The following SDK2 variants were observed in gnomAD, a reference collection of about 807,000 sequenced individuals.
The protein encoded by SDK2 is protein sidekick-2.
Under a neutral mutation model 253.9 loss-of-function variants are expected in SDK2, and 105 were observed. That is an observed-to-expected ratio of 0.41 (90% CI 0.35 to 0.49). The LOEUF is 0.49. Ranked by LOEUF, SDK2 falls within the 20% of genes least tolerant of loss-of-function variation. The pLI, the probability that SDK2 is intolerant of heterozygous loss-of-function variation, is 0.06. For missense variants in SDK2, 2,608 were observed against 3,003.0 expected (o/e 0.87, Z 3.07); for synonymous variants, 1,249 against 1,234.9 (o/e 1.01, Z -0.24).
chr17:73,344,429 G>C (rs906979293), intron 44 of SDK2, among the ~76,000 whole-genome samples: 2 of 152,152 alleles, frequency 1.3e-5, no homozygotes, highest in South Asian at 2.1e-4. Flanking sequence ...AGCTGCACGA[G>C]GCCAGGCTGC....
At chr17:73,374,091 T>C (rs1323259176) in intron 36 of SDK2, among the ~76,000 whole-genome samples, 1 of 145,454 alleles carries the variant, frequency 6.9e-6, no homozygotes, top group Non-Finnish European at 1.5e-5. Flanking sequence ...TCCCTCCTTC[T>C]GGAAGCATGT....
intron 10 of SDK2, among the ~76,000 whole-genome samples, chr17:73,432,968 T>G (rs2063339589): frequency 6.6e-6 from 1 of 152,120 alleles, no homozygotes; most frequent in Admixed American, 6.5e-5. Flanking sequence ...GGGAGGTGGC[T>G]TGGGCTTTGC....
chr17:73,482,414 C>T (rs1006007286), intron 2 of SDK2, among the ~76,000 whole-genome samples: 1 of 152,172 alleles, frequency 6.6e-6, no homozygotes, highest in Non-Finnish European at 1.5e-5. Context: ...TGCTGCTGGG[C>T]GGTTTGCTTC....
chr17:73,353,848 C>T (rs764391883), intron 40 of SDK2, among the ~76,000 whole-genome samples: 2 of 151,350 alleles, frequency 1.3e-5, no homozygotes, highest in East Asian at 3.9e-4. Context: ...GGATTACAGG[C>T]TTACTCCACC....
intron 2 of SDK2, among the ~76,000 whole-genome samples, chr17:73,504,752 C>T (rs1214480364): frequency 1.3e-5 from 2 of 151,606 alleles, no homozygotes; most frequent in Admixed American, 6.6e-5. Context: ...GAAATATTCC[C>T]GTGGAGGGGA....
At chr17:73,380,119 C>G (rs1304624020) in intron 34 of SDK2, among the ~76,000 whole-genome samples, 1 of 152,120 alleles carries the variant, frequency 6.6e-6, no homozygotes, top group Non-Finnish European at 1.5e-5. Context: ...CAGTCACTGT[C>G]CCCCGTAGCT....
At chr17:73,507,397 G>T in intron 2 of SDK2, 41 bp downstream of exon 2, 1 of 1,532,028 alleles carries the variant, frequency 6.5e-7, no homozygotes, top group Non-Finnish European at 8.8e-7. Flanking sequence ...CAGGGCAGTG[G>T]TCCTGGCAGC....
chr17:73,530,630 C>T (rs1016812543), intron 1 of SDK2, among the ~76,000 whole-genome samples: 2 of 152,174 alleles, frequency 1.3e-5, no homozygotes, highest in African/African-American at 4.8e-5. Context: ...GCTTGTACTG[C>T]TGGTTGGGTG....
intron 36 of SDK2, among the ~76,000 whole-genome samples, chr17:73,377,271 T>G (rs937509441): frequency 8.1e-5 from 12 of 148,842 alleles, no homozygotes; most frequent in Non-Finnish European, 1.5e-4. Context: ...CAGGCTGGAG[T>G]GCAGTGACAC....
intron 1 of SDK2, among the ~76,000 whole-genome samples, chr17:73,601,024 T>A (rs984762517): frequency 1.3e-5 from 2 of 148,152 alleles, no homozygotes; most frequent in African/African-American, 5.0e-5. Flanking sequence ...AAAAAAAAAT[T>A]TTTTTTTTTT....
chr17:73,347,010 C>A (rs529269144), intron 44 of SDK2, among the ~76,000 whole-genome samples: 1 of 152,162 alleles, frequency 6.6e-6, no homozygotes, highest in Non-Finnish European at 1.5e-5. Flanking sequence ...GATTGGTAGC[C>A]GAGCTGCTTC....
chr17:73,566,024 T>C (rs2045306618), intron 1 of SDK2, among the ~76,000 whole-genome samples: 1 of 152,230 alleles, frequency 6.6e-6, no homozygotes, highest in Non-Finnish European at 1.5e-5. Context: ...GGTTTCACCA[T>C]GTTGGCCAGG....
Position 73,455,973 on chromosome 17 carries a change from C to T in SDK2, c.412G>A (p.Ala138Thr), listed in dbSNP as rs888972283. The T allele has an allele frequency of 6.5e-6, 10 of 1,548,188 alleles. No individual in the cohort carries two copies. Among genetic ancestry groups the T allele is most frequent in the Admixed American group, 2.0e-5 (1 of 50,824 alleles). Reference sequence around the variant, plus strand: ...GTCACCTGTGGCTGGGGGAAGCTGGCGATGCGCGGGGCACGGATGACAGCT... The same window carrying T: ...GTCACCTGTGGCTGGGGGAAGCTGGTGATGCGCGGGGCACGGATGACAGCT... ...EAAVIRAPRI[A>T]SFPQPQVTWF... Residue 138 changes from alanine (A) to threonine (T), a missense_variant, in exon 4 of 45, where the codon GCC becomes ACC. This residue lies in a region of SDK2 where 1,505 missense variants were observed against 1,859.1 expected (regional missense o/e 0.81). Coordinates refer to ENST00000392650, the MANE Select transcript of SDK2 (RefSeq NM_001144952.2). This position sits in a 1 kb window ranked among gnomAD's most constrained non-coding sequence, Gnocchi z 5.0.
At chr17:73,357,832 A>C in intron 40 of SDK2, 1 of 625,244 alleles carries the variant, frequency 1.6e-6, no homozygotes, top group South Asian at 1.6e-5. Flanking sequence ...TCCTCAACCC[A>C]AGCTGGTCCT....
rs747830467 is a variant in SDK2, at chr17:73,594,391, T to TC, written c.64+49633dup. Among the ~76,000 whole-genome samples, 182 of 151,984 alleles carry TC rather than the reference T, an allele frequency of 1.2e-3. 1 individual carries two copies. Among genetic ancestry groups the TC allele is most frequent in the Middle Eastern group, 6.8e-3 (2 of 294 alleles). ...TCCTGAGTATAAAGATGCCCTTCCC[T>TC]CCCCCAGTGCTGCTCCCTAAGACCC... On this transcript the variant is annotated intron_variant, in intron 1 of 44. Transcript: ENST00000392650.
intron 2 of SDK2, among the ~76,000 whole-genome samples, chr17:73,484,508 G>GGCCCTAC (rs1183992103): frequency 6.6e-6 from 1 of 152,230 alleles, no homozygotes; most frequent in Non-Finnish European, 1.5e-5. Context: ...TGATGCGAGA[G>GGCCCTAC]GCCCTACTTG....
chr17:73,377,765 A>G (rs1289987690), intron 36 of SDK2, among the ~76,000 whole-genome samples: 2 of 148,954 alleles, frequency 1.3e-5, no homozygotes, highest in Non-Finnish European at 3.0e-5. Flanking sequence ...GGCATGCGCC[A>G]CCACACCCGG....
intron 43 of SDK2, 33 bp from the exon 44 acceptor site, chr17:73,348,758 G>A (rs1191137470): frequency 1.9e-6 from 3 of 1,586,450 alleles, no homozygotes; most frequent in Non-Finnish European, 1.7e-6. Context: ...GCCGAGAGGT[G>A]CACTCACTCA....
Position 73,472,159 on chromosome 17 carries a change from T to C in SDK2, c.284A>G (p.Asn95Ser), listed in dbSNP as rs191227506. 1 of 1,551,666 alleles carries C rather than the reference T, an allele frequency of 6.4e-7. No individual in the cohort carries two copies. Among genetic ancestry groups the C allele is most frequent in the East Asian group, 2.4e-5 (1 of 40,910 alleles). The change falls in exon 3 of 45, where the codon AAC becomes AGC. Residue 95 changes from asparagine to serine, a missense_variant. By Grantham distance (46) the Asn-to-Ser change is conservative (BLOSUM62 1). Coordinates refer to ENST00000392650, the MANE Select transcript of SDK2 (RefSeq NM_001144952.2). ...CCGCTGCAGCAGGGCCCCCATTCGG[T>C]TCCGCACGATGCAACGGTAAAAGCC... The part of the protein sequence containing the change: ...HAGFYRCIVR[N>S]RMGALLQRQT...
Sources: allele counts gnomAD v4.1 joint callset (sites outside exome capture counted in the v4.1 genomes callset), GRCh38; gene constraint gnomAD v4.1.1; regional missense constraint gnomAD v4.1.1; non-coding constraint Gnocchi (gnomAD v3.1); transcripts MANE v1.5; gene names NCBI Gene and HGNC (gene_info 2026-07-23, HGNC 2026-07-21).